MFSD6: variants seen among roughly 807,000 people sequenced by gnomAD.
MFSD6 encodes the protein major facilitator superfamily domain-containing protein 6.
A neutral mutation model predicts 56.3 loss-of-function variants in MFSD6; 26 were observed. The observed-to-expected ratio is 0.46, with a 90% CI of 0.34 to 0.64. The LOEUF (loss-of-function observed/expected upper bound fraction) is 0.64, where lower values mean the gene tolerates loss of function less well. Ranked by LOEUF, MFSD6 falls within the 30% of genes least tolerant of loss-of-function variation. MFSD6 has a pLI of 0.01. For synonymous variants in MFSD6, 331 were observed against 366.9 expected (o/e 0.90, Z 1.12); for missense variants, 750 against 986.2 (o/e 0.76, Z 3.21).
Position 190,443,458 on chromosome 2 carries a change from T to C in MFSD6, c.1532+5897T>C, listed in dbSNP as rs1215749252. 6.6e-6 allele frequency among the ~76,000 whole-genome samples: 1 copy of C among 152,246 alleles called. No individual in the cohort carries two copies. Among genetic ancestry groups the C allele is most frequent in the Non-Finnish European group, 1.5e-5 (1 of 68,044 alleles). ...AGTTCAGCTTATTTTACTTTTTTTC[T>C]GTCAGTCTGATATATTATGCTGTTT... On this transcript the variant is annotated intron_variant, in intron 3 of 7. Transcript: ENST00000392328. This position sits in a 1 kb window ranked among gnomAD's most constrained non-coding sequence, Gnocchi z 4.2.
chr2:190,477,212 A>G (rs993436263), intron 4 of MFSD6: 2 of 958,826 alleles, frequency 2.1e-6, no homozygotes, highest in Non-Finnish European at 1.2e-6. Context: ...AATAATAATA[A>G]TAACAATGCA....
At chr2:190,478,701 G>T (rs1688484695) in intron 4 of MFSD6, among the ~76,000 whole-genome samples, 1 of 152,110 alleles carries the variant, frequency 6.6e-6, no homozygotes, top group Non-Finnish European at 1.5e-5. Flanking sequence ...CTTGTTGATT[G>T]CCAAAGACCT....
rs1689549788 is a variant in MFSD6 at position 190,494,474 on chromosome 2, A to T, written c.1892-2965A>T. On this transcript the variant is annotated intron_variant, in intron 6 of 7. Coordinates refer to ENST00000392328, the MANE Select transcript of MFSD6 (RefSeq NM_017694.4). This position sits in a 1 kb window ranked among gnomAD's most constrained non-coding sequence, Gnocchi z 5.7. ...ACACTATTCCACAAGATAGAGAAAG[A>T]GGGAATCCTCCCTAAAACATTCTAT... Among the ~76,000 whole-genome samples the T allele has an allele frequency of 6.6e-6, 1 of 152,224 alleles. No individual in the cohort carries two copies.
rs1207656391 is a variant in MFSD6, at chr2:190,471,846, G to C, written c.1630+1991G>C. Among the ~76,000 whole-genome samples, 1 of 152,168 alleles carries C rather than the reference G, an allele frequency of 6.6e-6. No homozygotes were observed. Among genetic ancestry groups the C allele is most frequent in the Non-Finnish European group, 1.5e-5 (1 of 68,026 alleles). ...CTAACTGGGAGGCACCCCCCAGTAG[G>C]GGCAGACTGATAACTCATACGGCCG... On this transcript the variant is annotated intron_variant, in intron 4 of 7. Coordinates refer to ENST00000392328, the MANE Select transcript of MFSD6 (RefSeq NM_017694.4). The surrounding 1 kb of genome is among the most constrained non-coding windows in gnomAD (Gnocchi z 4.7).
rs1690850175 is a variant in MFSD6, at chr2:190,417,965, G to GGTGGGTGTGTGT, written c.-54+2555_-54+2556insGGTGTGTGTGTG. Among the ~76,000 whole-genome samples the GGTGGGTGTGTGT allele has an allele frequency of 6.9e-6, 1 of 144,712 alleles. No homozygotes were observed. Among genetic ancestry groups the GGTGGGTGTGTGT allele is most frequent in the Admixed American group, 6.9e-5 (1 of 14,484 alleles). 94.9% of individuals were successfully genotyped at this position (144,712 alleles called of 152,430 possible). A position where few individuals can be genotyped will look rare whatever the true frequency, so the allele number is the denominator to read the frequency against. The stretch of plus-strand genomic sequence containing the variant: ...CTGACTTTTCATTTAACCCTTTAGT[G>GGTGGGTGTGTGT]GTGTGTGTGTGTGTGTGTGTGTGTG... On this transcript the variant is annotated intron_variant, in intron 2 of 7. Transcript: ENST00000392328. This position sits in a 1 kb window ranked among gnomAD's most constrained non-coding sequence, Gnocchi z 5.7.
intron 2 of MFSD6, among the ~76,000 whole-genome samples, chr2:190,420,693 T>C (rs1359966338): frequency 6.6e-6 from 1 of 152,242 alleles, no homozygotes; most frequent in Non-Finnish European, 1.5e-5. Flanking sequence ...TACTTGTTTT[T>C]GGTTTCTTTT....
chr2:190,466,278 A>G (rs1312406351), intron 3 of MFSD6, among the ~76,000 whole-genome samples: 1 of 152,252 alleles, frequency 6.6e-6, no homozygotes, highest in Non-Finnish European at 1.5e-5. Context: ...CTGGGGGAAC[A>G]CATGGTTCAG....
At position 190,412,362 on chromosome 2, in the gene MFSD6, CA is replaced by C; in HGVS notation, c.-175-2929del. ...CAATTTTAGGTATTATCCAACATTT[CA>C]TTTTGGGTTCTAATTATGTTTTAGG... On this transcript the variant is annotated intron_variant, in intron 1 of 7. Coordinates refer to ENST00000392328, the MANE Select transcript of MFSD6 (RefSeq NM_017694.4). The surrounding 1 kb of genome is among the most constrained non-coding windows in gnomAD (Gnocchi z 4.1). 1.0e-6 allele frequency: 1 copy of C among 984,124 alleles called. No homozygotes were observed. The highest frequency in any genetic ancestry group is 1.2e-6 in the Non-Finnish European group (1 of 828,828). The allele number at this position is 984,124 out of a possible 1,614,324, so 61.0% of individuals were successfully genotyped here.
At chr2:190,460,640 C>T (rs1574153903) in intron 3 of MFSD6, among the ~76,000 whole-genome samples, 1 of 152,154 alleles carries the variant, frequency 6.6e-6, no homozygotes, top group East Asian at 1.9e-4. Context: ...TGTAGGTGCA[C>T]TGTTACAACC....
chr2:190,450,681 C>T (rs1360079617), intron 3 of MFSD6, among the ~76,000 whole-genome samples: 3 of 151,514 alleles, frequency 2.0e-5, no homozygotes, highest in Non-Finnish European at 2.9e-5. Context: ...TTTGTAGAGA[C>T]GAGGTTTTGT....
In MFSD6 at chr2:190,488,571, T is replaced by A; in HGVS notation, c.1631-86T>A. 8.5e-7 allele frequency: 1 copy of A among 1,171,166 alleles called. No homozygotes were observed. Among genetic ancestry groups the A allele is most frequent in the Non-Finnish European group, 1.1e-6 (1 of 878,900 alleles). The allele number at this position is 1,171,166 out of a possible 1,614,324, so 72.5% of individuals were successfully genotyped here. A position where few individuals can be genotyped will look rare whatever the true frequency, so the allele number is the denominator to read the frequency against. ...TCCCACAACAAATCTTAAAAATAGG[T>A]GCCTAGTTAAATAATTCACATTTCA... is the stretch of plus-strand genomic sequence containing the variant. On this transcript the variant is annotated intron_variant, in intron 4 of 7. Transcript: ENST00000392328. This position sits in a 1 kb window ranked among gnomAD's most constrained non-coding sequence, Gnocchi z 6.4.
chr2:190,469,736 T>G lies in MFSD6; in HGVS notation c.1533-22T>G, dbSNP rs1687807327. The stretch of plus-strand genomic sequence containing the variant: ...TTCCTTTGCTTTTTTTTATTTTATT[T>G]TTATTTTTTATTTTTTTTTAGGGTT... On this transcript the variant is annotated intron_variant, in intron 3 of 7. Coordinates refer to ENST00000392328, the MANE Select transcript of MFSD6 (RefSeq NM_017694.4). The surrounding 1 kb of genome is among the most constrained non-coding windows in gnomAD (Gnocchi z 5.3). The G allele has an allele frequency of 7.3e-7, 1 of 1,368,854 alleles. No homozygotes were observed. 84.8% of individuals were successfully genotyped at this position (1,368,854 alleles called of 1,614,324 possible).
chr2:190,450,087 A>T (rs1446099850), intron 3 of MFSD6, among the ~76,000 whole-genome samples: 1 of 152,226 alleles, frequency 6.6e-6, no homozygotes, highest in African/African-American at 2.4e-5. Flanking sequence ...CCCAAAGCTC[A>T]TAAAGTTTAT....
At position 190,416,178 on chromosome 2, in the gene MFSD6, A is replaced by G. The variant is rs965208018; in HGVS notation, c.-54+765A>G. ...TGATAAGGTCTGAGGAACCTAAATT[A>G]TAAATTTTTAATTGACATTTGATTA... is the stretch of plus-strand genomic sequence containing the variant. On this transcript the variant is annotated intron_variant, in intron 2 of 7. Coordinates refer to ENST00000392328, the MANE Select transcript of MFSD6 (RefSeq NM_017694.4). The surrounding 1 kb of genome is among the most constrained non-coding windows in gnomAD (Gnocchi z 4.1). Among the ~76,000 whole-genome samples, 2 of 152,242 alleles carry G rather than the reference A, an allele frequency of 1.3e-5. No individual in the cohort carries two copies. Among genetic ancestry groups the G allele is most frequent in the African/African-American group, 4.8e-5 (2 of 41,472 alleles).
At chr2:190,427,482 C>A (rs1356004956) in intron 2 of MFSD6, among the ~76,000 whole-genome samples, 1 of 152,202 alleles carries the variant, frequency 6.6e-6, no homozygotes, top group Non-Finnish European at 1.5e-5. Context: ...AGCAAGCAGG[C>A]ACTTGTTAGG....
At position 190,488,701 on chromosome 2, in the gene MFSD6, A is replaced by G. The variant is rs1335507325; in HGVS notation, c.1675A>G (p.Ser559Gly). 2.1e-5 allele frequency: 33 copies of G among 1,601,286 alleles called. No individual in the cohort carries two copies. Among genetic ancestry groups the G allele is most frequent in the Non-Finnish European group, 2.8e-5 (33 of 1,174,272 alleles). Residue 559 changes from serine to glycine, a missense_variant, in exon 5 of 8, where the codon AGT (serine) becomes GGT (glycine). Ser to Gly is a moderately conservative substitution (Grantham distance 56). This residue lies in a region of MFSD6 where 125 missense variants were observed against 223.1 expected (regional missense o/e 0.56). Coordinates refer to ENST00000392328, the MANE Select transcript of MFSD6 (RefSeq NM_017694.4). This position sits in a 1 kb window ranked among gnomAD's most constrained non-coding sequence, Gnocchi z 6.4. ...CTGGGCAGCATGCATTTCTTACCTC[A>G]GTGCAGCCGTTCCCCCTGAGCTGAG... The part of the protein sequence containing the change: ...AIWAACISYL[S>G]AAVPPELRTS...
chr2:190,466,647 C>G (rs1157786517), intron 3 of MFSD6, among the ~76,000 whole-genome samples: 1 of 152,158 alleles, frequency 6.6e-6, no homozygotes, highest in Non-Finnish European at 1.5e-5. Flanking sequence ...CACAACAAAC[C>G]TACAGAATAC....
rs1307219945 is a variant in MFSD6 at position 190,497,024 on chromosome 2, C to T, written c.1892-415C>T. On this transcript the variant is annotated intron_variant, in intron 6 of 7. Coordinates refer to ENST00000392328, the MANE Select transcript of MFSD6 (RefSeq NM_017694.4). This position sits in a 1 kb window ranked among gnomAD's most constrained non-coding sequence, Gnocchi z 5.2. ...ATCACCATTAGAGAACTTACGTAAC[C>T]AAATACCACCTGTTCCCCAAAAACC... Among the ~76,000 whole-genome samples the T allele has an allele frequency of 6.6e-6, 1 of 152,064 alleles. No individual in the cohort carries two copies. Among genetic ancestry groups the T allele is most frequent in the Non-Finnish European group, 1.5e-5 (1 of 68,016 alleles).
At position 190,426,267 on chromosome 2, in the gene MFSD6, T is replaced by A. The variant is rs1295814776; in HGVS notation, c.-53-9710T>A. Among the ~76,000 whole-genome samples the A allele has an allele frequency of 6.6e-6, 1 of 152,210 alleles. No individual in the cohort carries two copies. Among genetic ancestry groups the A allele is most frequent in the Non-Finnish European group, 1.5e-5 (1 of 68,044 alleles). On this transcript the variant is annotated intron_variant, in intron 2 of 7. Transcript: ENST00000392328. This position sits in a 1 kb window ranked among gnomAD's most constrained non-coding sequence, Gnocchi z 4.7. ...TTTCTCTCTGTTCAGATTGTGTAATTCCTATTGTTCTGTATCCCAATTCAC... is the reference window on the plus strand; with the variant it reads ...TTTCTCTCTGTTCAGATTGTGTAATACCTATTGTTCTGTATCCCAATTCAC...
Sources: allele counts gnomAD v4.1 joint callset (sites outside exome capture counted in the v4.1 genomes callset), GRCh38; gene constraint gnomAD v4.1.1; regional missense constraint gnomAD v4.1.1; non-coding constraint Gnocchi (gnomAD v3.1); transcripts MANE v1.5; gene names NCBI Gene and HGNC (gene_info 2026-07-23, HGNC 2026-07-21).